The following RGL1 variants were observed in gnomAD, a reference collection of about 807,000 sequenced individuals.
The protein encoded by RGL1 is ral guanine nucleotide dissociation stimulator-like 1.
A neutral mutation model predicts 95.2 loss-of-function variants in RGL1; 24 were observed. The observed-to-expected ratio is 0.25, with a 90% confidence interval of 0.18 to 0.35. The LOEUF is 0.35. Ranked by LOEUF, RGL1 falls within the 10% of genes least tolerant of loss-of-function variation. RGL1 has a pLI of 1.00. For synonymous variants in RGL1, 329 were observed against 344.9 expected, an observed-to-expected ratio of 0.95 and a Z score of 0.51; for missense variants, 715 against 936.3, an observed-to-expected ratio of 0.76 and a Z score of 3.08.
intron 4 of RGL1, among the ~76,000 whole-genome samples, chr1:183,879,467 GATA>G (rs983675885): frequency 3.3e-5 from 5 of 152,234 alleles, no homozygotes; most frequent in African/African-American, 9.6e-5. Context: ...ATAATTAGGT[GATA>G]ATGATAATTT....
At chr1:183,803,871 A>G (rs1378786248), upstream of RGL1, among the ~76,000 whole-genome samples, 2 of 152,180 alleles carry the variant, frequency 1.3e-5, no homozygotes, top group Non-Finnish European at 2.9e-5. Context: ...TGATCATCAT[A>G]GAAGGATTTA....
chr1:183,902,559 T>A lies in RGL1; in HGVS notation c.1318-9T>A, dbSNP rs761501971. ...GGTTGCTCACTCTTTTTATTAAAATTTCTTTTAGGGTGGACTGATAAACTT... is the reference window on the plus strand; with the variant it reads ...GGTTGCTCACTCTTTTTATTAAAATATCTTTTAGGGTGGACTGATAAACTT... On this transcript the variant is annotated splice_polypyrimidine_tract_variant and intron_variant, in intron 11 of 17. Coordinates refer to ENST00000360851, the MANE Select transcript of RGL1 (RefSeq NM_001297671.3). The A allele has an allele frequency of 6.2e-7, 1 of 1,605,642 alleles. No individual in the cohort carries two copies. Among genetic ancestry groups the A allele is most frequent in the South Asian group, 1.1e-5 (1 of 88,974 alleles).
intron 3 of RGL1, among the ~76,000 whole-genome samples, chr1:183,850,868 G>A (rs1664787554): frequency 1.3e-5 from 2 of 152,224 alleles, no homozygotes; most frequent in South Asian, 4.1e-4. Context: ...CTTTGGAATT[G>A]GTAACCTCTT....
chr1:183,899,037 A>G (rs1457105868), intron 10 of RGL1, among the ~76,000 whole-genome samples: 1 of 152,188 alleles, frequency 6.6e-6, no homozygotes, highest in Non-Finnish European at 1.5e-5. Context: ...ATTTTAAAGG[A>G]GATTTAGTGA....
intron 3 of RGL1, among the ~76,000 whole-genome samples, chr1:183,848,091 A>G (rs2102538733): frequency 6.6e-6 from 1 of 152,354 alleles, no homozygotes; most frequent in East Asian, 1.9e-4. Context: ...TATATTATTC[A>G]GTAAATAATC....
chr1:183,781,380 A>AC (rs1302464778), intron 2 of RGL1, among the ~76,000 whole-genome samples: 1 of 152,182 alleles, frequency 6.6e-6, no homozygotes, highest in African/African-American at 2.4e-5. Context: ...CTCTTTGGCC[A>AC]CATACCCAGT....
intron 1 of RGL1, among the ~76,000 whole-genome samples, chr1:183,689,796 ATGAACAGAGGGATGGGT>A (rs982518640): frequency 1.8e-4 from 28 of 152,324 alleles, no homozygotes; most frequent in African/African-American, 6.5e-4. Flanking sequence ...TACCCAGAAG[ATGAACAGAGGGATGGGT>A]TGATTATGCA....
chr1:183,819,909 C>T (rs942937019), intron 2 of RGL1, among the ~76,000 whole-genome samples: 4 of 151,688 alleles, frequency 2.6e-5, no homozygotes, highest in Admixed American at 6.6e-5. Context: ...CTCAGCCTCC[C>T]GAGGGGCTGA....
At position 183,916,644 on chromosome 1, in the gene RGL1, C is replaced by T; in HGVS notation, c.1947C>T (p.Thr649=). The T allele has an allele frequency of 6.2e-7, 1 of 1,613,948 alleles. No homozygotes were observed. Among genetic ancestry groups the T allele is most frequent in the South Asian group, 1.1e-5 (1 of 91,074 alleles). The change falls in exon 16 of 18, where the codon ACC becomes ACT. Residue 649 remains threonine (T), a synonymous_variant. Transcript: ENST00000360851. Reference sequence around the variant, plus strand: ...TTTACAACCAACAGAATGAAGACACCTGCATAATCCGCATCAGTGTGGAAG... The same window carrying T: ...TTTACAACCAACAGAATGAAGACACTTGCATAATCCGCATCAGTGTGGAAG... ...PPVYNQQNED[T]CIIRISVEDN... is the part of the protein sequence containing the mutation.
intron 3 of RGL1, among the ~76,000 whole-genome samples, chr1:183,849,751 G>A (rs1664712681): frequency 6.6e-6 from 1 of 152,040 alleles, no homozygotes; most frequent in African/African-American, 2.4e-5. Flanking sequence ...GCCTCCCAAA[G>A]TGCTGGGATT....
chr1:183,746,119 A>C (rs1241126362), intron 2 of RGL1, among the ~76,000 whole-genome samples: 1 of 152,058 alleles, frequency 6.6e-6, no homozygotes, highest in East Asian at 1.9e-4. Flanking sequence ...ATATTGTGGA[A>C]TCACAAATAC....
At chr1:183,708,879 G>A (rs963229852) in intron 1 of RGL1, among the ~76,000 whole-genome samples, 1 of 152,176 alleles carries the variant, frequency 6.6e-6, no homozygotes, top group African/African-American at 2.4e-5. Context: ...GACGCGGACC[G>A]GGGCCCCTTC....
At chr1:183,856,557 A>T (rs1265957950) in intron 3 of RGL1, among the ~76,000 whole-genome samples, 1 of 151,188 alleles carries the variant, frequency 6.6e-6, no homozygotes. Flanking sequence ...TGGTCCACAC[A>T]CTCAGCTCCA....
At chr1:183,640,651 G>T (rs1285383324) in intron 1 of RGL1, among the ~76,000 whole-genome samples, 4 of 152,002 alleles carry the variant, frequency 2.6e-5, no homozygotes, top group Non-Finnish European at 5.9e-5. Context: ...TATTTATCCT[G>T]TATTCTTTCT....
intron 1 of RGL1, among the ~76,000 whole-genome samples, chr1:183,670,834 G>A (rs1652394664): frequency 6.6e-6 from 1 of 152,142 alleles, no homozygotes; most frequent in Non-Finnish European, 1.5e-5. Flanking sequence ...CCATCGTATG[G>A]ATATACTACA....
chr1:183,861,519 C>A (rs1665508332), intron 3 of RGL1, among the ~76,000 whole-genome samples: 1 of 152,198 alleles, frequency 6.6e-6, no homozygotes, highest in Non-Finnish European at 1.5e-5. Flanking sequence ...CTGGTTTTTT[C>A]TTTCCCTTTT....
intron 4 of RGL1, among the ~76,000 whole-genome samples, chr1:183,878,143 A>G (rs1666615943): frequency 7.0e-6 from 1 of 141,946 alleles, no homozygotes. Flanking sequence ...GCCCATGTTG[A>G]TTTTCTTTCT....
At chr1:183,856,796 T>C (rs900403034) in intron 3 of RGL1, among the ~76,000 whole-genome samples, 1 of 151,988 alleles carries the variant, frequency 6.6e-6, no homozygotes, top group Non-Finnish European at 1.5e-5. Flanking sequence ...AATCTTTGGG[T>C]ATGAAAATGG....
chr1:183,662,007 A>G (rs1394791015), intron 1 of RGL1, among the ~76,000 whole-genome samples: 1 of 149,936 alleles, frequency 6.7e-6, no homozygotes, highest in Non-Finnish European at 1.5e-5. Flanking sequence ...ACAAAATTCA[A>G]CAACCTTTCA....
Sources: gnomAD v4.1 joint callset for allele counts (sites outside exome capture counted in the v4.1 genomes callset) on GRCh38, gnomAD v4.1.1 for gene constraint, MANE v1.5 for transcripts, NCBI Gene and HGNC (gene_info 2026-07-23, HGNC 2026-07-21) for gene names.